Variants in FAM171A1 observed in about 807,000 individuals in gnomAD.
FAM171A1 encodes the protein family with sequence similarity 171 member A1.
Under a neutral mutation model 74.9 loss-of-function variants are expected in FAM171A1, and 23 were observed. The ratio of observed to expected loss-of-function variants is 0.31; its 90% CI spans 0.22 to 0.44. The LOEUF (loss-of-function observed/expected upper bound fraction) is 0.44, where lower values mean the gene tolerates loss of function less well. Ranked by LOEUF, FAM171A1 falls within the 20% of genes least tolerant of loss-of-function variation. The pLI, the probability that FAM171A1 is intolerant of heterozygous loss-of-function variation, is 1.00. For missense variants in FAM171A1, 1,162 were observed against 1,159.2 expected, an observed-to-expected ratio of 1.00 and a Z score of -0.03; for synonymous variants, 527 against 505.7, an observed-to-expected ratio of 1.04 and a Z score of -0.57.
chr10:15,373,491 T>G (rs1437242261), upstream of FAM171A1, among the ~76,000 whole-genome samples: 1 of 152,246 alleles, frequency 6.6e-6, no homozygotes, highest in African/African-American at 2.4e-5. Flanking sequence ...TGAGAATAAA[T>G]TTTATGCAAA....
chr10:15,251,396 G>T, intron 4 of FAM171A1, among the ~76,000 whole-genome samples: 1 of 148,558 alleles, frequency 6.7e-6, no homozygotes, highest in African/African-American at 2.5e-5. Context: ...TGTTTATTCT[G>T]CAACGATTTT....
intron 2 of FAM171A1, among the ~76,000 whole-genome samples, chr10:15,281,532 A>C (rs1834970766): frequency 6.6e-6 from 1 of 152,170 alleles, no homozygotes; most frequent in Non-Finnish European, 1.5e-5. Context: ...AACTCAATTA[A>C]ACTTCATTAT....
intron 1 of FAM171A1, among the ~76,000 whole-genome samples, chr10:15,341,555 G>C (rs898290394): frequency 1.3e-5 from 2 of 152,186 alleles, no homozygotes; most frequent in African/African-American, 4.8e-5. Flanking sequence ...TTATTTAAGA[G>C]TTTAATGTGG....
upstream of FAM171A1, among the ~76,000 whole-genome samples, chr10:15,374,522 C>T (rs900432028): frequency 2.0e-5 from 3 of 152,134 alleles, no homozygotes; most frequent in Non-Finnish European, 4.4e-5. Flanking sequence ...TCTCATGTTC[C>T]GATCATGATC....
At chr10:15,258,440 C>T (rs771400757) in intron 3 of FAM171A1, among the ~76,000 whole-genome samples, 1 of 152,204 alleles carries the variant, frequency 6.6e-6, no homozygotes, top group African/African-American at 2.4e-5. Context: ...GGCTCAACCA[C>T]CTGTTTTTGC....
rs1359832984 is a variant in FAM171A1 at position 15,281,523 on chromosome 10, A to T, written c.325+2355T>A. Among the ~76,000 whole-genome samples the T allele has an allele frequency of 4.6e-5, 7 of 152,240 alleles. 1 individual carries two copies. In the Middle Eastern group the frequency reaches 0.01, roughly 222 times the overall value. ...CAGGTGTCTTCATGCCTTGTCCAAA[A>T]CTCAATTAAACTTCATTATTCCTAT... On this transcript the variant is annotated intron_variant, in intron 2 of 7. Coordinates refer to ENST00000378116, the MANE Select transcript of FAM171A1 (RefSeq NM_001010924.2).
intron 1 of FAM171A1, among the ~76,000 whole-genome samples, chr10:15,361,278 TA>T (rs1350064236): frequency 6.6e-6 from 1 of 152,124 alleles, no homozygotes; most frequent in Non-Finnish European, 1.5e-5. Flanking sequence ...ATTTAAGCCA[TA>T]ATTGTGGTGC....
intron 5 of FAM171A1, among the ~76,000 whole-genome samples, chr10:15,227,382 A>T (rs971013048): frequency 6.6e-6 from 1 of 151,188 alleles, no homozygotes. Context: ...CTGAACTGTC[A>T]TTTTCTTTTT....
chr10:15,326,312 C>T (rs1341308205), intron 1 of FAM171A1, among the ~76,000 whole-genome samples: 1 of 151,530 alleles, frequency 6.6e-6, no homozygotes, highest in East Asian at 1.9e-4. Context: ...CACAATCCCA[C>T]AATTCTTTTT....
At position 15,214,537 on chromosome 10, in the gene FAM171A1, A is replaced by G. The variant is rs1398553068; in HGVS notation, c.1051T>C (p.Ser351Pro). The change falls in exon 8 of 8, where the codon TCC becomes CCC. Residue 351 changes from serine to proline, a missense_variant. Transcript: ENST00000378116. ...ATGGACGTGGACTGGTCTCTTTTGG[A>G]ACTCTCCAGTCCTGCAGGGAGCTGC... is the stretch of plus-strand genomic sequence containing the variant. The part of the protein sequence containing the change: ...KLQLPAGLES[S>P]KRDQSTSMSH... The G allele has an allele frequency of 1.2e-6, 2 of 1,614,002 alleles. No individual in the cohort carries two copies. Among genetic ancestry groups the G allele is most frequent in the Non-Finnish European group, 1.7e-6 (2 of 1,180,028 alleles).
At chr10:15,293,421 G>A (rs1001569960) in intron 1 of FAM171A1, among the ~76,000 whole-genome samples, 1 of 152,060 alleles carries the variant, frequency 6.6e-6, no homozygotes, top group Non-Finnish European at 1.5e-5. Context: ...AGGTACTGCA[G>A]GGAGATTAAA....
intron 3 of FAM171A1, among the ~76,000 whole-genome samples, chr10:15,259,843 C>G (rs550691774): frequency 1.3e-5 from 2 of 151,000 alleles, no homozygotes; most frequent in South Asian, 4.2e-4. Flanking sequence ...TTTTTTGAGA[C>G]AGGGTCTTCA....
At chr10:15,321,190 C>T (rs1177448828) in intron 1 of FAM171A1, among the ~76,000 whole-genome samples, 3 of 152,186 alleles carry the variant, frequency 2.0e-5, no homozygotes, top group Non-Finnish European at 4.4e-5. Context: ...ATACTAGATG[C>T]TTTAAATAAG....
intron 7 of FAM171A1, 40 bp from the exon 8 acceptor site, chr10:15,214,641 T>C (rs374627893): frequency 4.6e-6 from 7 of 1,506,338 alleles, no homozygotes; most frequent in Non-Finnish European, 4.4e-6. Context: ...AGATTAGTGA[T>C]TCTCACAATG....
Position 15,254,871 on chromosome 10 carries a change from G to A in FAM171A1, c.427C>T (p.Pro143Ser). The A allele has an allele frequency of 6.2e-7, 1 of 1,613,730 alleles. No individual in the cohort carries two copies. Among genetic ancestry groups the A allele is most frequent in the Non-Finnish European group, 8.5e-7 (1 of 1,179,648 alleles). ...CTCTGGAAATGAACGCGAGGCTGTG[G>A]CCGGGCACCTGCAGAGATTAACCTC... ...QIVSGFQGAR[P>S]QPRVHFQRRA... Residue 143 changes from proline to serine, a missense_variant, in exon 4 of 8, where the codon CCA (proline) becomes TCA (serine). Physicochemically the swap from Pro to Ser is moderately conservative, Grantham distance 74 (BLOSUM62 -1). Coordinates refer to ENST00000378116, the MANE Select transcript of FAM171A1 (RefSeq NM_001010924.2).
chr10:15,270,142 G>A (rs542889923), intron 3 of FAM171A1, among the ~76,000 whole-genome samples: 1 of 152,180 alleles, frequency 6.6e-6, no homozygotes, highest in Admixed American at 6.5e-5. Flanking sequence ...GGGAAGCTGT[G>A]ACAGATGGTA....
chr10:15,239,131 G>A (rs564181913), intron 5 of FAM171A1, among the ~76,000 whole-genome samples: 3 of 152,198 alleles, frequency 2.0e-5, no homozygotes, highest in East Asian at 3.9e-4. Context: ...AAGGGTAAAC[G>A]TCTGTAAAAT....
intron 3 of FAM171A1, among the ~76,000 whole-genome samples, chr10:15,266,733 G>A (rs942414633): frequency 6.6e-6 from 1 of 152,004 alleles, no homozygotes; most frequent in East Asian, 1.9e-4. Context: ...TTTGGGCATT[G>A]TGGTATGTGC....
At chr10:15,331,860 T>TGTATAC (rs1554755845) in intron 1 of FAM171A1, among the ~76,000 whole-genome samples, 1,280 of 19,886 alleles carry the variant, frequency 0.064, 29 homozygotes, top group Admixed American at 0.11. Flanking sequence ...TATATGTGTG[T>TGTATAC]ATATATATGT....
Sources: gnomAD v4.1 joint callset for allele counts (sites outside exome capture counted in the v4.1 genomes callset) on GRCh38, gnomAD v4.1.1 for gene constraint, MANE v1.5 for transcripts, NCBI Gene and HGNC (gene_info 2026-07-23, HGNC 2026-07-21) for gene names.